Variants in SLC12A5 observed in about 807,000 individuals in gnomAD.
SLC12A5 encodes K-Cl cotransporter 2.
SLC12A5 carries 18 observed loss-of-function variants against 124.0 expected under a neutral mutation model. The ratio of observed to expected loss-of-function variants is 0.15; its 90% CI spans 0.10 to 0.22. The LOEUF is 0.22. Ranked by LOEUF, SLC12A5 falls within the 10% of genes least tolerant of loss-of-function variation. The probability of loss-of-function intolerance (pLI) is 1.00; values close to 1 mark genes in which losing one functional copy is unlikely to be tolerated. For synonymous variants in SLC12A5, 589 were observed against 568.0 expected (o/e 1.04, Z -0.53); for missense variants, 867 against 1,478.7 (o/e 0.59, Z 6.78).
At position 46,056,213 on chromosome 20, in the gene SLC12A5, C is replaced by T. The variant is rs1568869059; in HGVS notation, c.2851C>T (p.Leu951Phe). Residue 951 changes from leucine to phenylalanine, a missense_variant, in exon 22 of 26, where the codon CTC becomes TTC. This residue lies in a region of SLC12A5 where 180 missense variants were observed against 243.6 expected (regional missense o/e 0.74). Coordinates refer to ENST00000243964, the MANE Select transcript of SLC12A5 (RefSeq NM_020708.5). The surrounding 1 kb of genome is among the most constrained non-coding windows in gnomAD (Gnocchi z 4.3). Reference protein sequence around the residue: ...IRRKNPANTRLRLNVPEETAG... With the variant: ...IRRKNPANTRFRLNVPEETAG... ...GAGAAAGAATCCAGCCAACACGCGGCTCCGCCTGAACGTCCCAGAAGAGAC... is the reference window on the plus strand; with the variant it reads ...GAGAAAGAATCCAGCCAACACGCGGTTCCGCCTGAACGTCCCAGAAGAGAC... 1 of 1,614,212 alleles carries T rather than the reference C, an allele frequency of 6.2e-7. No individual in the cohort carries two copies. The highest frequency in any genetic ancestry group is 8.5e-7 in the Non-Finnish European group (1 of 1,180,030).
chr20:46,049,594 G>A (rs1460255552), intron 16 of SLC12A5, 28 bp from the exon 17 acceptor site: 1 of 1,583,254 alleles, frequency 6.3e-7, no homozygotes, highest in East Asian at 2.3e-5. Flanking sequence ...CATGGTATAT[G>A]GATTATGTGA....
intron 20 of SLC12A5, 149 bp from the exon 21 acceptor site, chr20:46,054,767 A>G (rs1281661044): frequency 1.6e-6 from 1 of 613,942 alleles, no homozygotes; most frequent in African/African-American, 1.8e-5. Flanking sequence ...AACCCTTGAC[A>G]AAATTAATGA....
In SLC12A5 at chr20:46,052,989, G is replaced by T. The variant is rs1350546948; in HGVS notation, c.2410G>T (p.Ala804Ser). The T allele has an allele frequency of 4.0e-5, 65 of 1,613,954 alleles. No homozygotes were observed. The highest frequency in any genetic ancestry group is 5.4e-5 in the Non-Finnish European group (64 of 1,179,860). ...CCGGGAAACCACAGCTGGCCACTTAGCCCTGCTGGTCACCAAGAACGTTTC... is the reference window on the plus strand; with the variant it reads ...CCGGGAAACCACAGCTGGCCACTTATCCCTGCTGGTCACCAAGAACGTTTC... ...LVRETTAGHLALLVTKNVSMF... is the reference protein window; with the variant it reads ...LVRETTAGHLSLLVTKNVSMF... Residue 804 changes from alanine (A) to serine (S), a missense_variant, in exon 19 of 26, where the codon GCC becomes TCC. This residue lies in a region of SLC12A5 where 110 missense variants were observed against 149.9 expected (regional missense o/e 0.73). Coordinates refer to ENST00000243964, the MANE Select transcript of SLC12A5 (RefSeq NM_020708.5).
intron 1 of SLC12A5, chr20:46,022,834 C>A: frequency 2.5e-6 from 1 of 399,244 alleles, no homozygotes; most frequent in Non-Finnish European, 4.4e-6. Context: ...ATCCTGGGCG[C>A]GTGCACAGTC....
chr20:46,031,344 C>G (rs1178694511), intron 1 of SLC12A5, among the ~76,000 whole-genome samples: 1 of 152,124 alleles, frequency 6.6e-6, no homozygotes, highest in Non-Finnish European at 1.5e-5. Context: ...ACTCAAATGG[C>G]CAGAACCTGG....
At chr20:46,038,142 A>G (rs1390233002) in intron 6 of SLC12A5, 1 of 152,064 alleles carries the variant, frequency 6.6e-6, no homozygotes, top group Admixed American at 6.5e-5. Flanking sequence ...GAAGTATATC[A>G]TTTTATTTTA....
chr20:46,041,451 T>C lies in SLC12A5; in HGVS notation c.977T>C (p.Phe326Ser). 6.2e-7 allele frequency: 1 copy of C among 1,614,106 alleles called. No individual in the cohort carries two copies. Among genetic ancestry groups the C allele is most frequent in the Non-Finnish European group, 8.5e-7 (1 of 1,180,010 alleles). Residue 326 changes from phenylalanine (F) to serine (S), a missense_variant, in exon 8 of 26, where the codon TTC (phenylalanine) becomes TCC (serine). Phe to Ser is a radical substitution (Grantham distance 155). Coordinates refer to ENST00000243964, the MANE Select transcript of SLC12A5 (RefSeq NM_020708.5). ...RLWGLFCSSR[F>S]LNATCDEYFT... ...TGGGGCCTTTTCTGCTCCTCTCGCT[T>C]CCTCAACGCCACCTGTGATGAATAC...
At chr20:46,026,729 C>G (rs1411652150), upstream of SLC12A5, among the ~76,000 whole-genome samples, 1 of 152,192 alleles carries the variant, frequency 6.6e-6, no homozygotes, top group East Asian at 1.9e-4. Context: ...AGAGAGGAAC[C>G]TGATTTTGCC....
chr20:46,043,887 G>A lies in SLC12A5; in HGVS notation c.1348G>A (p.Val450Ile), dbSNP rs745565201. ...ATTSAVYISS[V>I]VLFGACIEGV... ...ATCCTCTGCTGCAGACATCAGCTCC[G>A]TTGTTCTGTTTGGGGCCTGCATTGA... Residue 450 changes from valine to isoleucine, a missense_variant, in exon 11 of 26, where the codon GTT becomes ATT. Transcript: ENST00000243964. The A allele has an allele frequency of 9.3e-6, 15 of 1,613,042 alleles. No individual in the cohort carries two copies. The highest frequency in any genetic ancestry group is 4.5e-5 in the East Asian group (2 of 44,872).
At chr20:46,029,776 A>C (rs984790061) in intron 1 of SLC12A5, among the ~76,000 whole-genome samples, 10 of 151,994 alleles carry the variant, frequency 6.6e-5, no homozygotes, top group Admixed American at 2.0e-4. Context: ...GGCGCAGAGC[A>C]GGCACCCGTG....
At position 46,044,303 on chromosome 20, in the gene SLC12A5, G is replaced by A. The variant is rs576641527; in HGVS notation, c.1394+370G>A. Among the ~76,000 whole-genome samples, 4 of 152,136 alleles carry A rather than the reference G, an allele frequency of 2.6e-5. No homozygotes were observed. In the South Asian group the frequency reaches 8.3e-4, roughly 32 times the overall value. On this transcript the variant is annotated intron_variant, in intron 11 of 25. Transcript: ENST00000243964. ...CACAGATAAATAACACATGGTTTTT[G>A]TACTGAAGGAGCTCTTCTTGGTGGG...
intron 6 of SLC12A5, among the ~76,000 whole-genome samples, chr20:46,037,653 G>A (rs768201150): frequency 6.6e-6 from 1 of 152,184 alleles, no homozygotes; most frequent in East Asian, 1.9e-4. Context: ...CCATTCTCTT[G>A]TATCCTTACG....
At chr20:46,047,000 G>A (rs889032644) in intron 14 of SLC12A5, among the ~76,000 whole-genome samples, 17 of 152,236 alleles carry the variant, frequency 1.1e-4, no homozygotes, top group African/African-American at 4.1e-4. Context: ...AGGAAACTGA[G>A]GCCCAAAGAG....
At chr20:46,035,324 A>G in intron 2 of SLC12A5, 80 bp from the exon 3 acceptor site, 1 of 1,534,816 alleles carries the variant, frequency 6.5e-7, no homozygotes, top group Non-Finnish European at 8.8e-7. Context: ...CCTTGTCCCC[A>G]TCTCTTCCTC....
intron 16 of SLC12A5, 45 bp from the exon 17 acceptor site, chr20:46,049,573 ATGGT>A (rs1203359086): frequency 6.4e-7 from 1 of 1,562,264 alleles, no homozygotes; most frequent in Non-Finnish European, 8.7e-7. Flanking sequence ...TGGTGTGTGG[ATGGT>A]TGGTTACATG....
chr20:46,056,280 GC>G lies in SLC12A5; in HGVS notation c.2910+9del, dbSNP rs773293457. ...GAGAAGCCAGAGGAGGAGGTGTGCA[GC>G]TTGGGTGGTTTGGCCCCAACCAGTG... is the stretch of plus-strand genomic sequence containing the variant. On this transcript the variant is annotated intron_variant, in intron 22 of 25. Transcript: ENST00000243964. The surrounding 1 kb of genome is among the most constrained non-coding windows in gnomAD (Gnocchi z 4.3). 2.6e-5 allele frequency: 42 copies of G among 1,613,996 alleles called. No homozygotes were observed. Among genetic ancestry groups the G allele is most frequent in the Non-Finnish European group, 3.5e-5 (41 of 1,179,968 alleles).
In SLC12A5 at chr20:46,037,340, C is replaced by G; in HGVS notation, c.567C>G (p.Thr189=). Residue 189 remains threonine (T), a synonymous_variant, in exon 6 of 26, where the codon ACC becomes ACG. Transcript: ENST00000243964. ...GCCTCTGCTTCTACCTGGGCACTAC[C>G]TTTGCAGGAGCCATGTACATCCTGG... ...AVGLCFYLGT[T]FAGAMYILGT... The G allele has an allele frequency of 6.2e-7, 1 of 1,613,280 alleles. No homozygotes were observed. The highest frequency in any genetic ancestry group is 8.5e-7 in the Non-Finnish European group (1 of 1,179,508).
rs777153459 is a variant in SLC12A5, at chr20:46,057,133, C to G, written c.3126-37C>G. 1.2e-6 allele frequency: 2 copies of G among 1,611,890 alleles called. No individual in the cohort carries two copies. The highest frequency in any genetic ancestry group is 2.2e-5 in the South Asian group (2 of 90,990). ...CTGGCTCCAATCTTCTCTACCCCCC[C>G]GGCTCACGCGGTCTCCACTCCTCCT... On this transcript the variant is annotated intron_variant, in intron 24 of 25. Coordinates refer to ENST00000243964, the MANE Select transcript of SLC12A5 (RefSeq NM_020708.5). This position sits in a 1 kb window ranked among gnomAD's most constrained non-coding sequence, Gnocchi z 7.1.
rs2084538327 is a variant in SLC12A5, at chr20:46,040,700, G to A, written c.854+86G>A. The A allele has an allele frequency of 2.6e-6, 4 of 1,559,314 alleles. No homozygotes were observed. The South Asian group carries it at 3.7e-5, about 14-fold the overall frequency. On this transcript the variant is annotated intron_variant, in intron 7 of 25. Transcript: ENST00000243964. Reference sequence around the variant, plus strand: ...AGTCTCTGCCAAACTCCCCCTCCCTGCCCCTCAGAATCTCAGAGTGGTGTG... The same window carrying A: ...AGTCTCTGCCAAACTCCCCCTCCCTACCCCTCAGAATCTCAGAGTGGTGTG...
Sources: gnomAD v4.1 joint callset for allele counts (sites outside exome capture counted in the v4.1 genomes callset) on GRCh38, gnomAD v4.1.1 for gene constraint, gnomAD v4.1.1 regional missense constraint, Gnocchi (gnomAD v3.1) non-coding constraint, MANE v1.5 for transcripts, NCBI Gene and HGNC (gene_info 2026-07-23, HGNC 2026-07-21) for gene names.